KIAA1549: variants seen among roughly 807,000 people sequenced by gnomAD.
KIAA1549 encodes KIAA1549, also known as UPF0606 protein KIAA1549.
A neutral mutation model predicts 156.4 loss-of-function variants in KIAA1549; 70 were observed. The observed-to-expected ratio is 0.45, with a 90% CI of 0.37 to 0.55. KIAA1549 has a LOEUF of 0.55. Among genes scored for constraint, KIAA1549 ranks in the 20% least tolerant of loss-of-function variants. The pLI, the probability that KIAA1549 is intolerant of heterozygous loss-of-function variation, is 0.00. For synonymous variants in KIAA1549, 1,103 were observed against 1,066.4 expected, an observed-to-expected ratio of 1.03 and a Z score of -0.67; for missense variants, 2,428 against 2,540.9, an observed-to-expected ratio of 0.96 and a Z score of 0.96.
At chr7:138,863,794 T>C (rs923290642) in intron 15 of KIAA1549, among the ~76,000 whole-genome samples, 1 of 152,162 alleles carries the variant, frequency 6.6e-6, no homozygotes, top group Non-Finnish European at 1.5e-5. Flanking sequence ...CTCTTGGGCT[T>C]ATGAGTCCAT....
intron 14 of KIAA1549, among the ~76,000 whole-genome samples, 184 bp from the exon 15 acceptor site, chr7:138,868,312 C>T (rs1810815225): frequency 6.6e-6 from 1 of 152,174 alleles, no homozygotes; most frequent in Non-Finnish European, 1.5e-5. Context: ...CTAAACAGAC[C>T]TATTAACCCA....
At position 138,918,064 on chromosome 7, in the gene KIAA1549, A is replaced by G. The variant is rs377033404; in HGVS notation, c.1562T>C (p.Val521Ala). 50 of 1,613,316 alleles carry G rather than the reference A, an allele frequency of 3.1e-5. No homozygotes were observed. In the East Asian group the frequency reaches 4.0e-4, roughly 13 times the overall value. The change falls in exon 2 of 20, where the codon GTT becomes GCT. Residue 521 changes from valine to alanine, a missense_variant. Val to Ala is a moderately conservative substitution (Grantham distance 64). Transcript: ENST00000422774. This position sits in a 1 kb window ranked among gnomAD's most constrained non-coding sequence, Gnocchi z 4.2. ...AGAGAGGCGGCCGTGGGCAGGGGGA[A>G]CCTGTGTGGTTGTAACACTACTCAT... ...VDMSSVTTTQVPPAHGRLSVP... is the reference protein window; with the variant it reads ...VDMSSVTTTQAPPAHGRLSVP...
chr7:138,941,589 C>T (rs1326743609), intron 1 of KIAA1549, among the ~76,000 whole-genome samples: 1 of 152,178 alleles, frequency 6.6e-6, no homozygotes, highest in African/African-American at 2.4e-5. Context: ...TGTTAATAAA[C>T]AGTAAAATAC....
intron 3 of KIAA1549, 88 bp from the exon 4 acceptor site, chr7:138,911,411 G>A: frequency 1.9e-6 from 2 of 1,032,712 alleles, no homozygotes; most frequent in Non-Finnish European, 1.4e-6. Context: ...TAAAAAAACT[G>A]GTAGTTTTGA....
At chr7:138,928,910 A>T (rs1812795455) in intron 1 of KIAA1549, among the ~76,000 whole-genome samples, 1 of 151,666 alleles carries the variant, frequency 6.6e-6, no homozygotes, top group Admixed American at 6.6e-5. Flanking sequence ...ATAATAAAAA[A>T]TACATTAAAA....
In KIAA1549 at chr7:138,918,931, A is replaced by T; in HGVS notation, c.695T>A (p.Phe232Tyr). Reference protein sequence around the residue: ...YAESASHFHTFRSAFRTSEGI... With the variant: ...YAESASHFHTYRSAFRTSEGI... ...CTCAGAGGTGCGAAAAGCTGACCGA[A>T]AGGTGTGGAAATGACTGGCGGACTC... Residue 232 changes from phenylalanine to tyrosine, a missense_variant, in exon 2 of 20, where the codon TTT becomes TAT. Around this residue, in one of 5 missense-constraint regions of KIAA1549, gnomAD observed 893 missense variants for 847.9 expected, o/e 1.05. Coordinates refer to ENST00000422774, the MANE Select transcript of KIAA1549 (RefSeq NM_001164665.2). The surrounding 1 kb of genome is among the most constrained non-coding windows in gnomAD (Gnocchi z 4.2). 6.2e-7 allele frequency: 1 copy of T among 1,614,038 alleles called. No individual in the cohort carries two copies. Among genetic ancestry groups the T allele is most frequent in the South Asian group, 1.1e-5 (1 of 91,084 alleles).
chr7:138,943,519 T>C (rs954620810), intron 1 of KIAA1549, among the ~76,000 whole-genome samples: 4 of 152,214 alleles, frequency 2.6e-5, no homozygotes, highest in African/African-American at 7.2e-5. Context: ...TTGAAATATA[T>C]ATACATTGTG....
chr7:138,961,392 T>C (rs957998739), intron 1 of KIAA1549, among the ~76,000 whole-genome samples: 5 of 152,164 alleles, frequency 3.3e-5, no homozygotes, highest in African/African-American at 1.2e-4. Flanking sequence ...AAAATAGATC[T>C]ATTAGGCTCC....
intron 1 of KIAA1549, among the ~76,000 whole-genome samples, chr7:138,968,885 T>C (rs1231746610): frequency 6.6e-6 from 1 of 151,270 alleles, no homozygotes; most frequent in African/African-American, 2.4e-5. Flanking sequence ...AAAAAACACC[T>C]TGTGCTCCAA....
rs1185840024 is a variant in KIAA1549, at chr7:138,835,165, C to T, written c.*2741G>A. On this transcript the variant is annotated 3_prime_UTR_variant, in exon 20 of 20. Transcript: ENST00000422774. ...CCTTCCTTTCAGTGGATGACGTGAACTTAATGTCTGAAGACCGCTAGGGTA... is the reference window on the plus strand; with the variant it reads ...CCTTCCTTTCAGTGGATGACGTGAATTTAATGTCTGAAGACCGCTAGGGTA... 3 of 219,900 alleles carry T rather than the reference C, an allele frequency of 1.4e-5. No individual in the cohort carries two copies. The highest frequency in any genetic ancestry group is 2.7e-5 in the Non-Finnish European group (3 of 109,698). The allele number at this position is 219,900 out of a possible 1,614,324, so 13.6% of individuals were successfully genotyped here. A position where few individuals can be genotyped will look rare whatever the true frequency, so the allele number is the denominator to read the frequency against.
At position 138,950,426 on chromosome 7, in the gene KIAA1549, AAGG is replaced by A. The variant is rs553717058; in HGVS notation, c.187+30654_187+30656del. ...TTCCAGCCTTCCTTGTCTTTCAAGAAAGGAGAAGGAGTTGAGAGCCTTCACTTA... is the reference window on the plus strand; with the variant it reads ...TTCCAGCCTTCCTTGTCTTTCAAGAAAGAAGGAGTTGAGAGCCTTCACTTA... On this transcript the variant is annotated intron_variant, in intron 1 of 19. Coordinates refer to ENST00000422774, the MANE Select transcript of KIAA1549 (RefSeq NM_001164665.2). 5.6e-4 allele frequency among the ~76,000 whole-genome samples: 78 copies of A among 139,028 alleles called. 2 individuals are homozygous for A. The South Asian group carries it at 0.016, about 28-fold the overall frequency. 91.2% of individuals were successfully genotyped at this position (139,028 alleles called of 152,430 possible).
In KIAA1549 at chr7:138,974,611, C is replaced by A. The variant is rs189206174; in HGVS notation, c.187+6472G>T. ...TATTTTTTTGTGTTTTTAGTAGAGA[C>A]GAGGTTTCACTATGTTGGCCAGGCT... On this transcript the variant is annotated intron_variant, in intron 1 of 19. Coordinates refer to ENST00000422774, the MANE Select transcript of KIAA1549 (RefSeq NM_001164665.2). Among the ~76,000 whole-genome samples the A allele has an allele frequency of 1.3e-4, 20 of 151,768 alleles. 1 individual carries two copies. Among genetic ancestry groups the A allele is most frequent in the Middle Eastern group, 3.4e-3 (1 of 292 alleles).
chr7:138,970,949 A>G (rs1814203225), intron 1 of KIAA1549, among the ~76,000 whole-genome samples: 1 of 92,480 alleles, frequency 1.1e-5, no homozygotes, highest in Non-Finnish European at 2.1e-5. Context: ...CCAAACAGAG[A>G]ACAAAGAAGA....
intron 1 of KIAA1549, among the ~76,000 whole-genome samples, chr7:138,975,244 A>C (rs961968947): frequency 6.6e-6 from 1 of 152,208 alleles, no homozygotes; most frequent in Non-Finnish European, 1.5e-5. Flanking sequence ...AGAAAGAGAC[A>C]AAGAGAAAGA....
intron 1 of KIAA1549, among the ~76,000 whole-genome samples, chr7:138,963,227 A>G (rs746506040): frequency 5.3e-5 from 8 of 152,248 alleles, no homozygotes; most frequent in Non-Finnish European, 8.8e-5. Context: ...GAAGAATGAA[A>G]AACAGGACCC....
chr7:138,923,078 C>T (rs563081666), intron 1 of KIAA1549, among the ~76,000 whole-genome samples: 3 of 152,116 alleles, frequency 2.0e-5, no homozygotes, highest in African/African-American at 4.8e-5. Flanking sequence ...AAAATAACTG[C>T]CTGACAGAAT....
chr7:138,883,106 AAAAAAAAAAAAT>A lies in KIAA1549; in HGVS notation c.4033-1534_4033-1523del, dbSNP rs1397443533. 8.8e-3 allele frequency among the ~76,000 whole-genome samples: 1,281 copies of A among 145,890 alleles called. 77 individuals carry two copies. The highest frequency in any genetic ancestry group is 0.032 in the African/African-American group (1,223 of 38,596). On this transcript the variant is annotated intron_variant, in intron 10 of 19. Coordinates refer to ENST00000422774, the MANE Select transcript of KIAA1549 (RefSeq NM_001164665.2). ...ATCTCCCCTAAAAAAAAAAAAAAAA[AAAAAAAAAAAAT>A]TCAGCCAGACATGGTATGGTGGTGC... is the stretch of plus-strand genomic sequence containing the variant.
In KIAA1549 at chr7:138,949,451, G is replaced by GT. The variant is rs201133852; in HGVS notation, c.188-30014dup. ...ATTTTTATTTTTAAATAAAAAATCA[G>GT]TATTTTTTTAAAGTAAATGGAAGTT... On this transcript the variant is annotated intron_variant, in intron 1 of 19. Coordinates refer to ENST00000422774, the MANE Select transcript of KIAA1549 (RefSeq NM_001164665.2). Among the ~76,000 whole-genome samples, 1,129 of 152,162 alleles carry GT rather than the reference G, an allele frequency of 7.4e-3. 14 individuals are homozygous for GT. The highest frequency in any genetic ancestry group is 0.026 in the African/African-American group (1,087 of 41,478).
intron 1 of KIAA1549, among the ~76,000 whole-genome samples, chr7:138,937,287 T>TTAC (rs1178042967): frequency 6.6e-6 from 1 of 152,134 alleles, no homozygotes; most frequent in East Asian, 1.9e-4. Context: ...CATTCTTGAT[T>TTAC]TACTCATTAC....
Sources: gnomAD v4.1 joint callset for allele counts (sites outside exome capture counted in the v4.1 genomes callset) on GRCh38, gnomAD v4.1.1 for gene constraint, gnomAD v4.1.1 regional missense constraint, Gnocchi (gnomAD v3.1) non-coding constraint, MANE v1.5 for transcripts, NCBI Gene and HGNC (gene_info 2026-07-23, HGNC 2026-07-21) for gene names.